LTBP2: variants seen among roughly 807,000 people sequenced by gnomAD.
LTBP2 encodes latent-transforming growth factor beta-binding protein 2.
A neutral mutation model predicts 210.6 loss-of-function variants in LTBP2; 103 were observed. The observed-to-expected ratio is 0.49, with a 90% CI of 0.42 to 0.58. The LOEUF (loss-of-function observed/expected upper bound fraction) is 0.58, where lower values mean the gene tolerates loss of function less well. LTBP2 is among the 20% of genes least tolerant of loss of function. The pLI, the probability that LTBP2 is intolerant of heterozygous loss-of-function variation, is 0.00. For missense variants in LTBP2, 2,313 were observed against 2,494.5 expected (o/e 0.93, Z 1.55); for synonymous variants, 1,007 against 1,015.0 (o/e 0.99, Z 0.15).
Position 74,506,822 on chromosome 14 carries a change from G to A in LTBP2, c.3909C>T (p.Asp1303=), listed in dbSNP as rs1225360044. 3.1e-6 allele frequency: 5 copies of A among 1,614,002 alleles called. No homozygotes were observed. The highest frequency in any genetic ancestry group is 1.7e-5 in the Admixed American group (1 of 60,036). The change falls in exon 27 of 36, where the codon GAC becomes GAT. Residue 1303 remains aspartate, a splice_region_variant and synonymous_variant. Transcript: ENST00000261978. ...TGGTGTCGTTGGCGCACTCGTCTAT[G>A]TCTGTGGGACAGTGGGAACCAGGAT... ...FHMAPNGDCI[D]IDECANDTMC... is the part of the protein sequence containing the mutation.
chr14:74,608,092 T>C (rs1240566263), intron 1 of LTBP2, among the ~76,000 whole-genome samples: 1 of 150,528 alleles, frequency 6.6e-6, no homozygotes, highest in African/African-American at 2.4e-5. Context: ...GGCTAATTTT[T>C]TGTATTTTTA....
chr14:74,542,114 G>C (rs2139735244), intron 8 of LTBP2, among the ~76,000 whole-genome samples: 1 of 152,332 alleles, frequency 6.6e-6, no homozygotes, highest in Middle Eastern at 3.4e-3. Context: ...GGACCGACCT[G>C]AACTCCAAGG....
chr14:74,555,745 GT>G, intron 3 of LTBP2, 52 bp from the exon 4 acceptor site: 1 of 1,341,646 alleles, frequency 7.5e-7, no homozygotes, highest in African/African-American at 1.5e-5. Context: ...CAGTGTGTCT[GT>G]GCCACTCCTC....
At chr14:74,575,859 A>G (rs2088051083) in intron 3 of LTBP2, among the ~76,000 whole-genome samples, 1 of 152,220 alleles carries the variant, frequency 6.6e-6, no homozygotes, top group Non-Finnish European at 1.5e-5. Context: ...AATCTCTTCC[A>G]TTGGATCTGG....
intron 3 of LTBP2, among the ~76,000 whole-genome samples, chr14:74,575,042 G>A (rs895331290): frequency 6.6e-6 from 1 of 152,190 alleles, no homozygotes; most frequent in African/African-American, 2.4e-5. Context: ...AGAGGTTGCC[G>A]GCTTTATCAC....
chr14:74,546,577 T>C (rs932490594), intron 8 of LTBP2, among the ~76,000 whole-genome samples: 8 of 152,186 alleles, frequency 5.3e-5, no homozygotes, highest in African/African-American at 1.7e-4. Flanking sequence ...TGTACCCTGG[T>C]GCCCAGCGCG....
chr14:74,526,924 C>T (rs2139716510), intron 13 of LTBP2, among the ~76,000 whole-genome samples: 1 of 152,282 alleles, frequency 6.6e-6, no homozygotes, highest in South Asian at 2.1e-4. Flanking sequence ...CCCACACTTC[C>T]CTGTACACCA....
chr14:74,571,170 A>T (rs2087971217), intron 3 of LTBP2, among the ~76,000 whole-genome samples: 1 of 152,170 alleles, frequency 6.6e-6, no homozygotes, highest in South Asian at 2.1e-4. Context: ...CGTCTCTACT[A>T]AAAATACAAA....
chr14:74,567,803 T>C (rs1566642793), intron 3 of LTBP2, among the ~76,000 whole-genome samples: 1 of 152,134 alleles, frequency 6.6e-6, no homozygotes, highest in Non-Finnish European at 1.5e-5. Flanking sequence ...CTCCCAGTCC[T>C]CCTGCCTCAC....
At chr14:74,504,618 T>G (rs2086958612) in intron 30 of LTBP2, among the ~76,000 whole-genome samples, 160 bp downstream of exon 30, 1 of 152,216 alleles carries the variant, frequency 6.6e-6, no homozygotes, top group African/African-American at 2.4e-5. Context: ...AGTCAGAACT[T>G]CCAGCTAACA....
At chr14:74,564,335 A>ATATATATT (rs2087868928) in intron 3 of LTBP2, among the ~76,000 whole-genome samples, 2 of 8,294 alleles carry the variant, frequency 2.4e-4, no homozygotes, top group African/African-American at 1.1e-3. Flanking sequence ...ATATATTTAT[A>ATATATATT]TATATATATT....
In LTBP2 at chr14:74,511,269, G is replaced by T; in HGVS notation, c.3004C>A (p.Arg1002=). The change falls in exon 19 of 36, where the codon CGG becomes AGG. Residue 1002 remains arginine (R), a synonymous_variant. Transcript: ENST00000261978. ...CCTACACAGCTCCCACTCTGGCCCC[G>T]GTAGCCCTCCTCACAGGCCAGACAA... ...YTCLACEEGY[R]GQSGSCVDVN... is the part of the protein sequence containing the mutation. 6.2e-7 allele frequency: 1 copy of T among 1,614,026 alleles called. No individual in the cohort carries two copies. The highest frequency in any genetic ancestry group is 1.1e-5 in the South Asian group (1 of 91,084).
intron 27 of LTBP2, 142 bp from the exon 28 acceptor site, chr14:74,506,333 G>T (rs993857518): frequency 2.8e-5 from 31 of 1,124,348 alleles, no homozygotes; most frequent in African/African-American, 4.6e-5. Flanking sequence ...TAGGGAGGAG[G>T]AACCAATGGA....
In LTBP2 at chr14:74,530,237, G is replaced by A. The variant is rs117568094; in HGVS notation, c.1988-1115C>T. 5.0e-3 allele frequency among the ~76,000 whole-genome samples: 756 copies of A among 152,342 alleles called. 4 individuals are homozygous for A. The highest frequency in any genetic ancestry group is 7.2e-3 in the Non-Finnish European group (491 of 68,032). ...CTGAAGGCTTGTGGTCCATACCCCTGGTTACAGTGATTGGGTCAGGGATGG... is the reference window on the plus strand; with the variant it reads ...CTGAAGGCTTGTGGTCCATACCCCTAGTTACAGTGATTGGGTCAGGGATGG... On this transcript the variant is annotated intron_variant, in intron 10 of 35. Transcript: ENST00000261978.
intron 1 of LTBP2, 99 bp downstream of exon 1, chr14:74,611,352 G>C: frequency 3.1e-6 from 4 of 1,293,534 alleles, no homozygotes; most frequent in Non-Finnish European, 4.0e-6. Context: ...GAGGGACGAG[G>C]GTATGAGAGC....
chr14:74,603,854 AG>A, intron 1 of LTBP2, 149 bp from the exon 2 acceptor site: 1 of 719,162 alleles, frequency 1.4e-6, no homozygotes, highest in Non-Finnish European at 2.5e-6. Flanking sequence ...TGCAAATCTA[AG>A]ATTGAATCCT....
In LTBP2 at chr14:74,586,623, C is replaced by T. The variant is rs2088209173; in HGVS notation, c.566-505G>A. 2.0e-5 allele frequency among the ~76,000 whole-genome samples: 3 copies of T among 152,154 alleles called. No individual in the cohort carries two copies. Among genetic ancestry groups the T allele is most frequent in the East Asian group, 1.9e-4 (1 of 5,196 alleles). On this transcript the variant is annotated intron_variant, in intron 2 of 35. Coordinates refer to ENST00000261978, the MANE Select transcript of LTBP2 (RefSeq NM_000428.3). The surrounding 1 kb of genome is among the most constrained non-coding windows in gnomAD (Gnocchi z 4.6). ...GTTTGAGTTGCTGGGGTTTTCCTGTCACTTGTGAGCTGCATGGTCTTGACT... is the reference window on the plus strand; with the variant it reads ...GTTTGAGTTGCTGGGGTTTTCCTGTTACTTGTGAGCTGCATGGTCTTGACT...
intron 3 of LTBP2, among the ~76,000 whole-genome samples, chr14:74,564,177 A>G (rs868492689): frequency 6.6e-5 from 1 of 15,240 alleles, no homozygotes; most frequent in Non-Finnish European, 1.1e-4. Flanking sequence ...ATATATATTT[A>G]TATATATATT....
chr14:74,504,755 G>A, intron 30 of LTBP2, 23 bp downstream of exon 30: 4 of 1,612,104 alleles, frequency 2.5e-6, no homozygotes, highest in Non-Finnish European at 3.4e-6. Context: ...AAGGAGTTTG[G>A]GGCAGAGGAT....
Sources: allele counts gnomAD v4.1 joint callset (sites outside exome capture counted in the v4.1 genomes callset), GRCh38; gene constraint gnomAD v4.1.1; non-coding constraint Gnocchi (gnomAD v3.1); transcripts MANE v1.5; gene names NCBI Gene and HGNC (gene_info 2026-07-23, HGNC 2026-07-21).